Variants in SGCZ observed in about 807,000 individuals in gnomAD.
SGCZ encodes sarcoglycan zeta, also known as zeta-sarcoglycan.
A neutral mutation model predicts 41.3 loss-of-function variants in SGCZ; 40 were observed. The observed-to-expected ratio is 0.97, with a 90% CI of 0.75 to 1.26. SGCZ has a LOEUF of 1.26. SGCZ is among the 50% of genes most tolerant of loss of function. SGCZ has a pLI of 0.00. For missense variants in SGCZ, 552 were observed against 369.8 expected, an observed-to-expected ratio of 1.49 and a Z score of -4.04; for synonymous variants, 206 against 137.5, an observed-to-expected ratio of 1.50 and a Z score of -3.49.
At chr8:14,622,095 A>G (rs2117372719) in intron 1 of SGCZ, among the ~76,000 whole-genome samples, 1 of 152,274 alleles carries the variant, frequency 6.6e-6, no homozygotes, top group African/African-American at 2.4e-5. Context: ...ATAGGTAGAA[A>G]AAAGAAGAGG....
chr8:14,747,358 T>G (rs1585227762), intron 1 of SGCZ, among the ~76,000 whole-genome samples: 1 of 152,248 alleles, frequency 6.6e-6, no homozygotes, highest in South Asian at 2.1e-4. Flanking sequence ...TTTAAAAATC[T>G]GGAGTTACTG....
intron 3 of SGCZ, among the ~76,000 whole-genome samples, chr8:14,261,469 T>C (rs1208212137): frequency 6.6e-6 from 1 of 152,164 alleles, no homozygotes; most frequent in African/African-American, 2.4e-5. Flanking sequence ...TCACCAATAT[T>C]GTTCTTCTGA....
intron 1 of SGCZ, among the ~76,000 whole-genome samples, chr8:15,220,479 T>C (rs1436168841): frequency 6.6e-6 from 1 of 152,124 alleles, no homozygotes; most frequent in Non-Finnish European, 1.5e-5. Context: ...GCTTGGGCAA[T>C]TCTGATTAAA....
intron 1 of SGCZ, among the ~76,000 whole-genome samples, chr8:15,164,765 T>C (rs1261522062): frequency 2.0e-5 from 3 of 152,070 alleles, no homozygotes; most frequent in Non-Finnish European, 4.4e-5. Flanking sequence ...GTGGCCAATC[T>C]GGTGTGCTTT....
At chr8:14,524,754 A>C (rs1358188591) in intron 2 of SGCZ, among the ~76,000 whole-genome samples, 1 of 152,076 alleles carries the variant, frequency 6.6e-6, no homozygotes, top group African/African-American at 2.4e-5. Context: ...AATAAGGAAA[A>C]GTGCTTCTTC....
intron 2 of SGCZ, among the ~76,000 whole-genome samples, chr8:14,407,636 T>A (rs559539326): frequency 1.3e-5 from 2 of 152,222 alleles, no homozygotes; most frequent in African/African-American, 4.8e-5. Flanking sequence ...TGTTGTATGC[T>A]AATCCTGCTA....
chr8:14,380,892 G>C (rs896934765), intron 2 of SGCZ, among the ~76,000 whole-genome samples: 6 of 152,016 alleles, frequency 3.9e-5, no homozygotes, highest in African/African-American at 1.4e-4. Context: ...TTGTGTAATT[G>C]TGTAAAGTAA....
intron 1 of SGCZ, among the ~76,000 whole-genome samples, chr8:14,865,638 A>G (rs776464555): frequency 6.6e-6 from 1 of 152,136 alleles, no homozygotes; most frequent in Non-Finnish European, 1.5e-5. Context: ...ATGTGCGCTC[A>G]CTTCAATTAC....
intron 3 of SGCZ, among the ~76,000 whole-genome samples, chr8:14,241,547 T>C (rs1420637531): frequency 6.6e-6 from 1 of 150,554 alleles, no homozygotes; most frequent in Admixed American, 6.7e-5. Context: ...AATATCTTTT[T>C]TTTTTGGAAA....
intron 1 of SGCZ, among the ~76,000 whole-genome samples, chr8:14,799,973 T>G (rs900028200): frequency 6.6e-6 from 1 of 152,198 alleles, no homozygotes; most frequent in African/African-American, 2.4e-5. Context: ...AGTATTTTCT[T>G]AAAACAATTC....
At chr8:14,758,019 T>A (rs1799745763) in intron 1 of SGCZ, among the ~76,000 whole-genome samples, 1 of 152,324 alleles carries the variant, frequency 6.6e-6, no homozygotes, top group South Asian at 2.1e-4. Context: ...TACATCCATG[T>A]ATATACATAA....
At position 14,761,542 on chromosome 8, in the gene SGCZ, T is replaced by TATTTA. The variant is rs1219656247; in HGVS notation, c.40-206617_40-206616insTAAAT. Among the ~76,000 whole-genome samples, 455 of 149,246 alleles carry TATTTA rather than the reference T, an allele frequency of 3.0e-3. 1 individual carries two copies. Among genetic ancestry groups the TATTTA allele is most frequent in the African/African-American group, 0.011 (440 of 40,862 alleles). On this transcript the variant is annotated intron_variant, in intron 1 of 7. Transcript: ENST00000382080. ...TATTTTATTTATTTATTTATTTATT[T>TATTTA]TTTTTTTGAGAGGGAGTCTCTCCCT...
intron 2 of SGCZ, among the ~76,000 whole-genome samples, chr8:14,447,430 A>C (rs541635354): frequency 6.6e-6 from 1 of 152,300 alleles, no homozygotes; most frequent in Admixed American, 6.5e-5. Context: ...AGGCATAGTG[A>C]TTTATTAAAA....
At chr8:14,684,373 A>G (rs1808540579) in intron 1 of SGCZ, among the ~76,000 whole-genome samples, 1 of 152,180 alleles carries the variant, frequency 6.6e-6, no homozygotes, top group Non-Finnish European at 1.5e-5. Flanking sequence ...GTATTTATGT[A>G]CAGACACATT....
intron 1 of SGCZ, among the ~76,000 whole-genome samples, chr8:14,599,469 T>C (rs1486445296): frequency 6.6e-6 from 1 of 152,210 alleles, no homozygotes; most frequent in Non-Finnish European, 1.5e-5. Context: ...ATTTCACAAG[T>C]GTAAATGTCA....
At chr8:14,782,928 T>C (rs2130440041) in intron 1 of SGCZ, among the ~76,000 whole-genome samples, 1 of 152,300 alleles carries the variant, frequency 6.6e-6, no homozygotes, top group East Asian at 1.9e-4. Flanking sequence ...CTTTTTTTTA[T>C]TACATGCTGT....
At chr8:14,127,456 C>CTATT (rs780262363) in intron 5 of SGCZ, among the ~76,000 whole-genome samples, 1 of 151,768 alleles carries the variant, frequency 6.6e-6, no homozygotes, top group African/African-American at 2.4e-5. Flanking sequence ...ATTTTTATTT[C>CTATT]TATTTATTTA....
At chr8:15,162,462 T>A (rs1315730234) in intron 1 of SGCZ, among the ~76,000 whole-genome samples, 1 of 152,212 alleles carries the variant, frequency 6.6e-6, no homozygotes, top group African/African-American at 2.4e-5. Flanking sequence ...ATATATCCTT[T>A]AGCTACAAGT....
intron 4 of SGCZ, among the ~76,000 whole-genome samples, chr8:14,219,027 G>C (rs559397055): frequency 2.6e-5 from 4 of 152,352 alleles, no homozygotes; most frequent in Admixed American, 6.5e-5. Flanking sequence ...GAAAAAGCTT[G>C]ATAAGTGGGT....
Sources: allele counts gnomAD v4.1 joint callset (sites outside exome capture counted in the v4.1 genomes callset), GRCh38; gene constraint gnomAD v4.1.1; transcripts MANE v1.5; gene names NCBI Gene and HGNC (gene_info 2026-07-23, HGNC 2026-07-21).